KCNN2: variants seen among roughly 807,000 people sequenced by gnomAD.
KCNN2 encodes small conductance calcium-activated potassium channel protein 2.
KCNN2 carries 24 observed loss-of-function variants against 55.5 expected under a neutral mutation model. That is an observed-to-expected ratio of 0.43 (90% confidence interval 0.31 to 0.61). KCNN2 has a LOEUF of 0.61. KCNN2 is among the 20% of genes least tolerant of loss of function. KCNN2 has a pLI of 0.08. For missense variants in KCNN2, 754 were observed against 853.6 expected, an observed-to-expected ratio of 0.88 and a Z score of 1.45; for synonymous variants, 431 against 336.1, an observed-to-expected ratio of 1.28 and a Z score of -3.09.
intron 2 of KCNN2, among the ~76,000 whole-genome samples, chr5:114,374,600 T>C (rs2150052876): frequency 6.6e-6 from 1 of 152,284 alleles, no homozygotes; most frequent in African/African-American, 2.4e-5. Context: ...ATTGTTTTGC[T>C]TTTTTATCAG....
chr5:114,373,024 G>T (rs1451860191), intron 2 of KCNN2, among the ~76,000 whole-genome samples: 1 of 151,946 alleles, frequency 6.6e-6, no homozygotes, highest in Admixed American at 6.6e-5. Flanking sequence ...TGAATTAAAG[G>T]GTATTATTTA....
At chr5:114,174,404 T>G (rs1386718875) in intron 1 of KCNN2, among the ~76,000 whole-genome samples, 2 of 152,092 alleles carry the variant, frequency 1.3e-5, no homozygotes, top group East Asian at 3.9e-4. Flanking sequence ...GAATTTGGCA[T>G]TAGTCTAGAC....
intron 2 of KCNN2, among the ~76,000 whole-genome samples, chr5:114,344,349 A>G (rs532702728): frequency 6.6e-6 from 1 of 152,334 alleles, no homozygotes; most frequent in East Asian, 1.9e-4. Flanking sequence ...CACAGCAAAG[A>G]ATGCAGATGG....
At chr5:114,117,632 A>T (rs919179493) in intron 1 of KCNN2, among the ~76,000 whole-genome samples, 2 of 152,206 alleles carry the variant, frequency 1.3e-5, no homozygotes, top group Admixed American at 1.3e-4. Context: ...CCTGGGGGAA[A>T]TAAGATTTGA....
At chr5:114,125,397 A>G (rs1190442105) in intron 1 of KCNN2, among the ~76,000 whole-genome samples, 2 of 152,220 alleles carry the variant, frequency 1.3e-5, no homozygotes, top group African/African-American at 4.8e-5. Context: ...ACATATTTTT[A>G]AATTCATGCT....
chr5:114,081,316 G>A (rs1750815733), intron 1 of KCNN2, among the ~76,000 whole-genome samples: 1 of 151,968 alleles, frequency 6.6e-6, no homozygotes, highest in Non-Finnish European at 1.5e-5. Context: ...GGAATCTCAA[G>A]GCATCCCTAA....
intron 1 of KCNN2, among the ~76,000 whole-genome samples, chr5:114,180,263 T>C (rs1035355612): frequency 2.4e-4 from 36 of 152,194 alleles, no homozygotes; most frequent in Admixed American, 2.2e-3. Context: ...TACCCAGAAC[T>C]TCAGTCACTA....
chr5:114,164,925 C>T (rs184966314), intron 1 of KCNN2, among the ~76,000 whole-genome samples: 74 of 152,126 alleles, frequency 4.9e-4, no homozygotes, highest in Non-Finnish European at 9.1e-4. Flanking sequence ...GTTTTTTGCA[C>T]GTAATAATTA....
At chr5:114,405,894 TA>T (rs1465886359) in intron 3 of KCNN2, among the ~76,000 whole-genome samples, 1 of 151,934 alleles carries the variant, frequency 6.6e-6, no homozygotes, top group Non-Finnish European at 1.5e-5. Context: ...GTATTTTTAG[TA>T]GAGACGGGGT....
intron 2 of KCNN2, among the ~76,000 whole-genome samples, chr5:114,295,826 C>G (rs1346113601): frequency 6.6e-6 from 1 of 152,156 alleles, no homozygotes; most frequent in Non-Finnish European, 1.5e-5. Flanking sequence ...GGAGCTGTTC[C>G]TATTTGGCCA....
intron 3 of KCNN2, among the ~76,000 whole-genome samples, chr5:114,452,074 C>CAGTT (rs1760717878): frequency 6.6e-6 from 1 of 151,942 alleles, no homozygotes. Context: ...TTTCATAACT[C>CAGTT]AGTTATAGGG....
At chr5:114,222,275 G>A (rs1561529050) in intron 2 of KCNN2, among the ~76,000 whole-genome samples, 1 of 152,204 alleles carries the variant, frequency 6.6e-6, no homozygotes, top group Non-Finnish European at 1.5e-5. Flanking sequence ...GAAGCTGTAA[G>A]ACCCTAGTAA....
At chr5:114,219,156 G>A (rs1475133955) in intron 1 of KCNN2, among the ~76,000 whole-genome samples, 1 of 152,236 alleles carries the variant, frequency 6.6e-6, no homozygotes, top group Non-Finnish European at 1.5e-5. Context: ...AGGGGTGCCT[G>A]TGACTCTTGA....
chr5:114,379,083 T>C (rs1758024820), intron 2 of KCNN2, among the ~76,000 whole-genome samples: 1 of 152,130 alleles, frequency 6.6e-6, no homozygotes, highest in Non-Finnish European at 1.5e-5. Flanking sequence ...GGGCCGCAGC[T>C]CAGCACCTCC....
intron 4 of KCNN2, among the ~76,000 whole-genome samples, chr5:114,472,810 T>G (rs1220811756): frequency 6.6e-6 from 1 of 152,212 alleles, no homozygotes; most frequent in Non-Finnish European, 1.5e-5. Context: ...GGCCATTTAT[T>G]TCTTAGAATG....
chr5:114,337,726 G>T (rs1756945885), intron 2 of KCNN2, among the ~76,000 whole-genome samples: 1 of 151,902 alleles, frequency 6.6e-6, no homozygotes, highest in Non-Finnish European at 1.5e-5. Flanking sequence ...TCCCACTCTT[G>T]GCTCATATTG....
At chr5:114,459,099 CAATGAATTAAGA>C (rs1761073258) in intron 3 of KCNN2, among the ~76,000 whole-genome samples, 1 of 151,762 alleles carries the variant, frequency 6.6e-6, no homozygotes, top group Non-Finnish European at 1.5e-5. Flanking sequence ...CCTTAGTCAG[CAATGAATTAAGA>C]AATGAATTAG....
intron 2 of KCNN2, among the ~76,000 whole-genome samples, chr5:114,340,397 T>C (rs1028569778): frequency 3.3e-5 from 5 of 152,160 alleles, no homozygotes; most frequent in African/African-American, 1.2e-4. Context: ...TTGTTTAAAG[T>C]ATATGTGTAT....
At chr5:114,349,580 G>A (rs1757171552) in intron 2 of KCNN2, among the ~76,000 whole-genome samples, 1 of 151,960 alleles carries the variant, frequency 6.6e-6, no homozygotes, top group African/African-American at 2.4e-5. Flanking sequence ...TAAAAAATCA[G>A]AAACACTCTG....
Sources: gnomAD v4.1 joint callset for allele counts (sites outside exome capture counted in the v4.1 genomes callset) on GRCh38, gnomAD v4.1.1 for gene constraint, MANE v1.5 for transcripts, NCBI Gene and HGNC (gene_info 2026-07-23, HGNC 2026-07-21) for gene names.